SELENOI: variants seen among roughly 807,000 people sequenced by gnomAD.
The protein encoded by SELENOI is selenoprotein I.
Under a neutral mutation model 50.7 loss-of-function variants are expected in SELENOI, and 24 were observed. That is an observed-to-expected ratio of 0.47 (90% confidence interval 0.34 to 0.67). The LOEUF (loss-of-function observed/expected upper bound fraction) is 0.67. Among genes scored for constraint, SELENOI ranks in the 30% least tolerant of loss-of-function variants. SELENOI has a pLI of 0.01. For synonymous variants in SELENOI, 155 were observed against 170.2 expected (o/e 0.91, Z 0.70); for missense variants, 352 against 461.4 (o/e 0.76, Z 2.17).
intron 6 of SELENOI, among the ~76,000 whole-genome samples, chr2:26,378,128 G>T (rs1677606816): frequency 6.6e-6 from 1 of 152,076 alleles, no homozygotes; most frequent in South Asian, 2.1e-4. Context: ...GTCAGCCAAA[G>T]ATTTGGGCAA....
Position 26,346,190 on chromosome 2 carries a change from G to T in SELENOI, c.-43G>T. ...GGTGCTTGTGTGTCACAGCCTTGTA[G>T]CCGGGAGTCGCTGCCGAGTGGGCGC... is the stretch of plus-strand genomic sequence containing the variant. On this transcript the variant is annotated 5_prime_UTR_variant, in exon 1 of 10. Transcript: ENST00000260585. 6.2e-7 allele frequency: 1 copy of T among 1,613,174 alleles called. No individual in the cohort carries two copies. Among genetic ancestry groups the T allele is most frequent in the Non-Finnish European group, 8.5e-7 (1 of 1,179,506 alleles).
chr2:26,372,029 C>T lies in SELENOI; in HGVS notation c.311-1338C>T, dbSNP rs374806721. ...TGCCTGAAAAGCCATTCTAGATTAT[C>T]TTAGCCTAAAGAGAACCTTTCCCTT... On this transcript the variant is annotated intron_variant, in intron 4 of 9. Coordinates refer to ENST00000260585, the MANE Select transcript of SELENOI (RefSeq NM_033505.4). 3.3e-5 allele frequency among the ~76,000 whole-genome samples: 5 copies of T among 152,180 alleles called. No homozygotes were observed. The East Asian group carries it at 5.8e-4, about 18-fold the overall frequency.
At chr2:26,349,670 G>GCTT (rs1676910280) in intron 1 of SELENOI, among the ~76,000 whole-genome samples, 1 of 115,166 alleles carries the variant, frequency 8.7e-6, no homozygotes, top group African/African-American at 3.3e-5. Context: ...CTGCAAGTTG[G>GCTT]TTTTTTTTTT....
At chr2:26,367,895 C>A (rs1324089103) in intron 4 of SELENOI, among the ~76,000 whole-genome samples, 1 of 152,176 alleles carries the variant, frequency 6.6e-6, no homozygotes, top group Non-Finnish European at 1.5e-5. Flanking sequence ...CTTTATTTTT[C>A]TCCATAGCAC....
chr2:26,364,178 A>T, intron 1 of SELENOI, 124 bp from the exon 2 acceptor site: 1 of 589,120 alleles, frequency 1.7e-6, no homozygotes, highest in Non-Finnish European at 2.8e-6. Flanking sequence ...CAGCCTTTTG[A>T]GTAGCTGGGT....
chr2:26,351,590 G>T (rs1574747837), intron 1 of SELENOI, among the ~76,000 whole-genome samples: 1 of 152,316 alleles, frequency 6.6e-6, no homozygotes, highest in Non-Finnish European at 1.5e-5. Flanking sequence ...GAAGGCCTCG[G>T]TATTTTCTGG....
intron 1 of SELENOI, among the ~76,000 whole-genome samples, chr2:26,351,530 G>A (rs537015351): frequency 6.6e-6 from 1 of 152,336 alleles, no homozygotes; most frequent in South Asian, 2.1e-4. Flanking sequence ...ACCAGGTTAA[G>A]AGGGGAGAAA....
At chr2:26,357,611 C>A (rs1303248854) in intron 1 of SELENOI, among the ~76,000 whole-genome samples, 1 of 152,248 alleles carries the variant, frequency 6.6e-6, no homozygotes, top group African/African-American at 2.4e-5. Flanking sequence ...AGCTCCTGGC[C>A]TGCCTGGGCC....
intron 4 of SELENOI, among the ~76,000 whole-genome samples, chr2:26,370,416 C>T (rs1677391597): frequency 6.6e-6 from 1 of 151,872 alleles, no homozygotes; most frequent in Non-Finnish European, 1.5e-5. Flanking sequence ...AGGGGCTCCT[C>T]ACTTCCCAGT....
At chr2:26,366,328 T>C (rs1182456394) in intron 3 of SELENOI, among the ~76,000 whole-genome samples, 3 of 152,168 alleles carry the variant, frequency 2.0e-5, no homozygotes, top group African/African-American at 7.2e-5. Flanking sequence ...TATTTATTTA[T>C]TTATTTATTT....
intron 6 of SELENOI, 83 bp downstream of exon 6, chr2:26,375,231 A>G: frequency 1.2e-6 from 1 of 818,200 alleles, no homozygotes; most frequent in Non-Finnish European, 1.9e-6. Context: ...AAGCAACAAC[A>G]CCCTTTGCCT....
chr2:26,354,778 A>C (rs1677033126), intron 1 of SELENOI, among the ~76,000 whole-genome samples: 2 of 152,212 alleles, frequency 1.3e-5, no homozygotes, highest in African/African-American at 2.4e-5. Flanking sequence ...TAATGTACGC[A>C]GATGGGGAAA....
intron 7 of SELENOI, 140 bp downstream of exon 7, chr2:26,383,487 G>A (rs1677752700): frequency 1.7e-6 from 1 of 605,326 alleles, no homozygotes; most frequent in Non-Finnish European, 2.9e-6. Context: ...CTTTAATGGG[G>A]TAGGATAGTT....
intron 1 of SELENOI, among the ~76,000 whole-genome samples, chr2:26,349,038 G>A (rs1428182481): frequency 4.3e-5 from 4 of 92,922 alleles, no homozygotes; most frequent in Admixed American, 1.8e-4. Context: ...TTTTGGAGAT[G>A]GAGGTTTGCT....
At chr2:26,386,325 C>T (rs763906669) in intron 8 of SELENOI, 29 bp from the exon 9 acceptor site, 1 of 1,578,156 alleles carries the variant, frequency 6.3e-7, no homozygotes, top group Admixed American at 2.0e-5. Flanking sequence ...TTCTTTTTTT[C>T]TCTCTTATTT....
rs376039166 is a variant in SELENOI, at chr2:26,364,334, G to A, written c.90G>A (p.Leu30=). Reference sequence around the variant, plus strand: ...CTGTGGATACCAATCCACTTTCTCTGTATGTCATGCATCCATTCTGGAACA... The same window carrying A: ...CTGTGGATACCAATCCACTTTCTCTATATGTCATGCATCCATTCTGGAACA... ...YSAVDTNPLS[L]YVMHPFWNTI... Residue 30 remains leucine, a synonymous_variant, in exon 2 of 10, where the codon CTG becomes CTA. Transcript: ENST00000260585. The A allele has an allele frequency of 1.5e-5, 23 of 1,560,860 alleles. No individual in the cohort carries two copies. The highest frequency in any genetic ancestry group is 1.7e-5 in the Non-Finnish European group (20 of 1,149,922).
At chr2:26,356,082 G>T (rs1181259840) in intron 1 of SELENOI, among the ~76,000 whole-genome samples, 1 of 152,136 alleles carries the variant, frequency 6.6e-6, no homozygotes, top group East Asian at 1.9e-4. Context: ...TTGATTAAAA[G>T]TACATTAAAA....
At chr2:26,374,801 C>G (rs545269392) in intron 5 of SELENOI, among the ~76,000 whole-genome samples, 1 of 152,118 alleles carries the variant, frequency 6.6e-6, no homozygotes, top group Non-Finnish European at 1.5e-5. Flanking sequence ...CTCCTGACAC[C>G]TCAGGTGATC....
chr2:26,387,658 T>C (rs1677873654), intron 9 of SELENOI, among the ~76,000 whole-genome samples: 1 of 140,186 alleles, frequency 7.1e-6, no homozygotes, highest in South Asian at 2.2e-4. Context: ...ATGGTGCCAC[T>C]GTGCTCCAGC....
Sources: allele counts gnomAD v4.1 joint callset (sites outside exome capture counted in the v4.1 genomes callset), GRCh38; gene constraint gnomAD v4.1.1; transcripts MANE v1.5; gene names NCBI Gene and HGNC (gene_info 2026-07-23, HGNC 2026-07-21).